TMEM271: variants seen among roughly 807,000 people sequenced by gnomAD.
The protein encoded by TMEM271 is transmembrane protein 271.
rs1577196718 is a variant in TMEM271, at chr4:575,667, G to A, written c.396C>T (p.Val132=). ...LLGVLVFMLG[V]LSAFAGAVID... Reference sequence around the variant, plus strand: ...TCACGGCGCCCGCGAATGCGCTGAGGACCCCGAGCATGAAGACCAGGACGC... The same window carrying A: ...TCACGGCGCCCGCGAATGCGCTGAGAACCCCGAGCATGAAGACCAGGACGC... Residue 132 remains valine, a synonymous_variant, in exon 1 of 1, where the codon GTC becomes GTT. Coordinates refer to ENST00000610212, the MANE Select transcript of TMEM271 (RefSeq NM_001362796.2). The A allele has an allele frequency of 3.9e-5, 14 of 360,372 alleles. No homozygotes were observed. The East Asian group carries it at 5.2e-4, about 13-fold the overall frequency. 22.3% of individuals were successfully genotyped at this position (360,372 alleles called of 1,614,324 possible).
rs1732415490 is a variant in TMEM271 at position 575,485 on chromosome 4, G to A, written c.578C>T (p.Ala193Val). Residue 193 changes from alanine to valine, a missense_variant, in exon 1 of 1, where the codon GCC becomes GTC. Coordinates refer to ENST00000610212, the MANE Select transcript of TMEM271 (RefSeq NM_001362796.2). ...GTCCAGGGTGCTGCGAGCGCGCGGG[G>A]CGCCGGGGGCCGAGCCCGGCGCCGA... ...PGSAPGSAPG[A>V]PRARSTLDSA... is the part of the protein sequence containing the mutation. 2.9e-5 allele frequency: 8 copies of A among 278,008 alleles called. No individual in the cohort carries two copies. The highest frequency in any genetic ancestry group is 4.7e-5 in the Non-Finnish European group (7 of 149,034). The allele number at this position is 278,008 out of a possible 1,614,324, so 17.2% of individuals were successfully genotyped here.
rs1490266615 is a variant in TMEM271, at chr4:574,739, G to A, written c.*166C>T. 20 of 391,604 alleles carry A rather than the reference G, an allele frequency of 5.1e-5. 1 individual carries two copies. In the East Asian group the frequency reaches 7.2e-4, roughly 14 times the overall value. The allele number at this position is 391,604 out of a possible 1,614,324, so 24.3% of individuals were successfully genotyped here. ...TCCTGTGGTCACGGAGCCCGCAGAG[G>A]GGGCCAGGCCGGAGGCTGCAAAGCC... is the stretch of plus-strand genomic sequence containing the variant. On this transcript the variant is annotated 3_prime_UTR_variant, in exon 1 of 1. Coordinates refer to ENST00000610212, the MANE Select transcript of TMEM271 (RefSeq NM_001362796.2).
At position 575,494 on chromosome 4, in the gene TMEM271, G is replaced by A. The variant is rs547828291; in HGVS notation, c.569C>T (p.Ala190Val). The change falls in exon 1 of 1, where the codon GCC (alanine) becomes GTC (valine). Residue 190 changes from alanine to valine, a missense_variant. Transcript: ENST00000610212. ...GSAPGSAPGS[A>V]PGAPRARSTL... ...GCTGCGAGCGCGCGGGGCGCCGGGG[G>A]CCGAGCCCGGCGCCGAGCCGGGGGC... The A allele has an allele frequency of 1.8e-3, 518 of 285,898 alleles. 2 individuals carry two copies. Among genetic ancestry groups the A allele is most frequent in the Non-Finnish European group, 2.8e-3 (443 of 155,524 alleles). 17.7% of individuals were successfully genotyped at this position (285,898 alleles called of 1,614,324 possible).
At position 575,349 on chromosome 4, in the gene TMEM271, G is replaced by A. The variant is rs988617967; in HGVS notation, c.714C>T (p.Leu238=). ...ECLLGLLSLL[L]VKNYKSSQAR... is the part of the protein sequence containing the mutation. ...CCTGCGACGACTTGTAGTTCTTGAC[G>A]AGCAGGAGGCTGAGCAGGCCCAGCA... Residue 238 remains leucine (L), a synonymous_variant, in exon 1 of 1, where the codon CTC becomes CTT. Coordinates refer to ENST00000610212, the MANE Select transcript of TMEM271 (RefSeq NM_001362796.2). 1.2e-5 allele frequency: 3 copies of A among 252,892 alleles called. No homozygotes were observed. The highest frequency in any genetic ancestry group is 4.6e-5 in the African/African-American group (2 of 43,454). The allele number at this position is 252,892 out of a possible 1,614,324, so 15.7% of individuals were successfully genotyped here. A position where few individuals can be genotyped will look rare whatever the true frequency, so the allele number is the denominator to read the frequency against.
rs919696099 is a variant in TMEM271, at chr4:575,505, C to CGCCGAGCCGGGG, written c.546_557dup (p.Ser189_Gly192dup). 2.4e-5 allele frequency: 7 copies of CGCCGAGCCGGGG among 293,880 alleles called. No homozygotes were observed. Among genetic ancestry groups the CGCCGAGCCGGGG allele is most frequent in the Non-Finnish European group, 4.4e-5 (7 of 160,626 alleles). 18.2% of individuals were successfully genotyped at this position (293,880 alleles called of 1,614,324 possible). A position where few individuals can be genotyped will look rare whatever the true frequency, so the allele number is the denominator to read the frequency against. On this transcript the variant is annotated inframe_insertion, in exon 1 of 1. Coordinates refer to ENST00000610212, the MANE Select transcript of TMEM271 (RefSeq NM_001362796.2). ...GCGGGGCGCCGGGGGCCGAGCCCGG[C>CGCCGAGCCGGGG]GCCGAGCCGGGGGCCGAGCCCGGGG...
In TMEM271 at chr4:575,499, G is replaced by A. The variant is rs1732416371; in HGVS notation, c.564C>T (p.Gly188=). 3.4e-6 allele frequency: 1 copy of A among 290,890 alleles called. No homozygotes were observed. Among genetic ancestry groups the A allele is most frequent in the Non-Finnish European group, 6.3e-6 (1 of 158,608 alleles). 18.0% of individuals were successfully genotyped at this position (290,890 alleles called of 1,614,324 possible). Residue 188 remains glycine, a synonymous_variant, in exon 1 of 1, where the codon GGC becomes GGT. Transcript: ENST00000610212. ...APGSAPGSAP[G]SAPGAPRARS... is the part of the protein sequence containing the mutation. ...GAGCGCGCGGGGCGCCGGGGGCCGAGCCCGGCGCCGAGCCGGGGGCCGAGC... is the reference window on the plus strand; with the variant it reads ...GAGCGCGCGGGGCGCCGGGGGCCGAACCCGGCGCCGAGCCGGGGGCCGAGC...
In TMEM271 at chr4:574,099, G is replaced by T. The variant is rs1194487315; in HGVS notation, c.*806C>A. The stretch of plus-strand genomic sequence containing the variant: ...AAAAAAAAAAAAAGAAAAGAAAAAA[G>T]AAATGTATGGGATGTGGCATCAGGG... On this transcript the variant is annotated 3_prime_UTR_variant, in exon 1 of 1. Transcript: ENST00000610212. The T allele has an allele frequency of 6.7e-6, 1 of 149,094 alleles. No homozygotes were observed. Among genetic ancestry groups the T allele is most frequent in the Non-Finnish European group, 1.5e-5 (1 of 67,336 alleles). The allele number at this position is 149,094 out of a possible 1,614,324, so 9.2% of individuals were successfully genotyped here.
rs1308260731 is a variant in TMEM271 at position 575,397 on chromosome 4, G to T, written c.666C>A (p.Thr222=). ...GCAGGCACTCAAGCGAGTTGAAGAC[G>T]GTGGAGAGCACCAGGCCGCGCTGGT... ...KDYQRGLVLS[T]VFNSLECLLG... The change falls in exon 1 of 1, where the codon ACC becomes ACA. Residue 222 remains threonine, a synonymous_variant. Coordinates refer to ENST00000610212, the MANE Select transcript of TMEM271 (RefSeq NM_001362796.2). 2 of 283,424 alleles carry T rather than the reference G, an allele frequency of 7.1e-6. No homozygotes were observed. The highest frequency in any genetic ancestry group is 1.3e-5 in the Non-Finnish European group (2 of 151,744). The allele number at this position is 283,424 out of a possible 1,614,324, so 17.6% of individuals were successfully genotyped here.
Position 575,879 on chromosome 4 carries a change from G to T in TMEM271, c.184C>A (p.Leu62Ile), listed in dbSNP as rs1364764321. 3 of 371,530 alleles carry T rather than the reference G, an allele frequency of 8.1e-6. No individual in the cohort carries two copies. The highest frequency in any genetic ancestry group is 6.4e-5 in the African/African-American group (3 of 47,240). 23.0% of individuals were successfully genotyped at this position (371,530 alleles called of 1,614,324 possible). ...FYSGLLLAAG[L>I]SLLGAALLCC... ...AGCAGGGCGGCGCCGAGCAGTGAGAGGCCGGCGGCCAGCAGCAGCCCGGAG... is the reference window on the plus strand; with the variant it reads ...AGCAGGGCGGCGCCGAGCAGTGAGATGCCGGCGGCCAGCAGCAGCCCGGAG... The change falls in exon 1 of 1, where the codon CTC becomes ATC. Residue 62 changes from leucine (L) to isoleucine (I), a missense_variant. Transcript: ENST00000610212.
In TMEM271 at chr4:573,910, A is replaced by G. The variant is rs1354267497; in HGVS notation, c.*995T>C. The G allele has an allele frequency of 6.6e-6, 1 of 152,242 alleles. No individual in the cohort carries two copies. The highest frequency in any genetic ancestry group is 1.5e-5 in the Non-Finnish European group (1 of 68,038). The allele number at this position is 152,242 out of a possible 1,614,324, so 9.4% of individuals were successfully genotyped here. On this transcript the variant is annotated 3_prime_UTR_variant, in exon 1 of 1. Coordinates refer to ENST00000610212, the MANE Select transcript of TMEM271 (RefSeq NM_001362796.2). ...GCGATTACGGGGTATATTTGAAATGAAATGCTATCATACTCAAAATTACCA... is the reference window on the plus strand; with the variant it reads ...GCGATTACGGGGTATATTTGAAATGGAATGCTATCATACTCAAAATTACCA...
chr4:575,625 C>T lies in TMEM271; in HGVS notation c.438G>A (p.Val146=), dbSNP rs1732420873. The change falls in exon 1 of 1, where the codon GTG becomes GTA. Residue 146 remains valine, a synonymous_variant. Transcript: ENST00000610212. ...FAGAVIDGDT[V]SLVERKYSHY... ...GCGAGTACTTGCGCTCCACCAGGGA[C>T]ACGGTGTCGCCGTCGATCACGGCGC... 5.5e-6 allele frequency: 2 copies of T among 360,886 alleles called. No homozygotes were observed. Among genetic ancestry groups the T allele is most frequent in the Non-Finnish European group, 5.0e-6 (1 of 201,584 alleles). 22.4% of individuals were successfully genotyped at this position (360,886 alleles called of 1,614,324 possible).
chr4:574,726 G>A lies in TMEM271; in HGVS notation c.*179C>T. ...ATCAGGGGCCCCCTCCTGTGGTCAC[G>A]GAGCCCGCAGAGGGGGCCAGGCCGG... On this transcript the variant is annotated 3_prime_UTR_variant, in exon 1 of 1. Transcript: ENST00000610212. 5.1e-6 allele frequency: 2 copies of A among 391,288 alleles called. No individual in the cohort carries two copies. Among genetic ancestry groups the A allele is most frequent in the Non-Finnish European group, 4.5e-6 (1 of 221,742 alleles). 24.2% of individuals were successfully genotyped at this position (391,288 alleles called of 1,614,324 possible).
chr4:574,425 AGT>A lies in TMEM271; in HGVS notation c.*478_*479del, dbSNP rs1403879582. The A allele has an allele frequency of 6.5e-6, 1 of 154,012 alleles. No individual in the cohort carries two copies. Among genetic ancestry groups the A allele is most frequent in the Non-Finnish European group, 1.4e-5 (1 of 69,330 alleles). 9.5% of individuals were successfully genotyped at this position (154,012 alleles called of 1,614,324 possible). The stretch of plus-strand genomic sequence containing the variant: ...CAAAAGCAGGCACATCCGTGTACAA[AGT>A]GTTGCTGTTGGGTGTTCTCACTTCT... On this transcript the variant is annotated 3_prime_UTR_variant, in exon 1 of 1. Coordinates refer to ENST00000610212, the MANE Select transcript of TMEM271 (RefSeq NM_001362796.2).
Position 575,396 on chromosome 4 carries a change from C to T in TMEM271, c.667G>A (p.Val223Ile). 7.1e-6 allele frequency: 2 copies of T among 280,754 alleles called. No homozygotes were observed. The highest frequency in any genetic ancestry group is 1.3e-5 in the Non-Finnish European group (2 of 150,020). 17.4% of individuals were successfully genotyped at this position (280,754 alleles called of 1,614,324 possible). Reference protein sequence around the residue: ...DYQRGLVLSTVFNSLECLLGL... With the variant: ...DYQRGLVLSTIFNSLECLLGL... ...AGCAGGCACTCAAGCGAGTTGAAGACGGTGGAGAGCACCAGGCCGCGCTGG... is the reference window on the plus strand; with the variant it reads ...AGCAGGCACTCAAGCGAGTTGAAGATGGTGGAGAGCACCAGGCCGCGCTGG... The change falls in exon 1 of 1, where the codon GTC becomes ATC. Residue 223 changes from valine to isoleucine, a missense_variant. Val to Ile is a conservative substitution (Grantham distance 29). Coordinates refer to ENST00000610212, the MANE Select transcript of TMEM271 (RefSeq NM_001362796.2).
In TMEM271 at chr4:575,179, G is replaced by C. The variant is rs1286132277; in HGVS notation, c.884C>G (p.Pro295Arg). 3 of 386,876 alleles carry C rather than the reference G, an allele frequency of 7.8e-6. No individual in the cohort carries two copies. The highest frequency in any genetic ancestry group is 1.4e-5 in the Non-Finnish European group (3 of 219,486). The allele number at this position is 386,876 out of a possible 1,614,324, so 24.0% of individuals were successfully genotyped here. Residue 295 changes from proline (P) to arginine (R), a missense_variant, in exon 1 of 1, where the codon CCG (proline) becomes CGG (arginine). Physicochemically the swap from Pro to Arg is moderately radical, Grantham distance 103. Transcript: ENST00000610212. ...CGGGGACAGGATGGAGGCCTCGCTCGGCCGCTGCTGCAGCCGCCGCCCCCG... is the reference window on the plus strand; with the variant it reads ...CGGGGACAGGATGGAGGCCTCGCTCCGCCGCTGCTGCAGCCGCCGCCCCCG... ...GRRGRRLQQRPSEASILSPEE... is the reference protein window; with the variant it reads ...GRRGRRLQQRRSEASILSPEE...
In TMEM271 at chr4:575,982, G is replaced by T; in HGVS notation, c.81C>A (p.Val27=). ...LLACALSAAA[V]GLKCFSLGSE... Reference sequence around the variant, plus strand: ...AGCCCAACGAGAAGCACTTGAGGCCGACGGCGGCGGCGCTGAGCGCGCAGG... The same window carrying T: ...AGCCCAACGAGAAGCACTTGAGGCCTACGGCGGCGGCGCTGAGCGCGCAGG... The change falls in exon 1 of 1, where the codon GTC becomes GTA. Residue 27 remains valine, a synonymous_variant. Transcript: ENST00000610212. The T allele has an allele frequency of 2.7e-6, 1 of 367,544 alleles. No homozygotes were observed. Among genetic ancestry groups the T allele is most frequent in the Non-Finnish European group, 4.9e-6 (1 of 206,094 alleles). The allele number at this position is 367,544 out of a possible 1,614,324, so 22.8% of individuals were successfully genotyped here.
Position 574,792 on chromosome 4 carries a change from C to T in TMEM271, c.*113G>A, listed in dbSNP as rs1732400885. 1 of 392,456 alleles carries T rather than the reference C, an allele frequency of 2.5e-6. No homozygotes were observed. Among genetic ancestry groups the T allele is most frequent in the Non-Finnish European group, 4.5e-6 (1 of 222,478 alleles). 24.3% of individuals were successfully genotyped at this position (392,456 alleles called of 1,614,324 possible). A position where few individuals can be genotyped will look rare whatever the true frequency, so the allele number is the denominator to read the frequency against. ...GTGGAAGAGGCGGCGCCCCTGAGGC[C>T]TGGCCCTGGACCCCGCCCCGCTGCC... On this transcript the variant is annotated 3_prime_UTR_variant, in exon 1 of 1. Coordinates refer to ENST00000610212, the MANE Select transcript of TMEM271 (RefSeq NM_001362796.2).
In TMEM271 at chr4:574,084, A is replaced by G. The variant is rs1015663012; in HGVS notation, c.*821T>C. 1.2e-4 allele frequency: 19 copies of G among 152,096 alleles called. No individual in the cohort carries two copies. Among genetic ancestry groups the G allele is most frequent in the Admixed American group, 1.2e-3 (19 of 15,272 alleles). 9.4% of individuals were successfully genotyped at this position (152,096 alleles called of 1,614,324 possible). On this transcript the variant is annotated 3_prime_UTR_variant, in exon 1 of 1. Transcript: ENST00000610212. Reference sequence around the variant, plus strand: ...ACACAACCAGTTTCCAAAAAAAAAAAAAGAAAAGAAAAAAGAAATGTATGG... The same window carrying G: ...ACACAACCAGTTTCCAAAAAAAAAAGAAGAAAAGAAAAAAGAAATGTATGG...
chr4:573,920 A>C lies in TMEM271; in HGVS notation c.*985T>G, dbSNP rs572268551. 6.6e-6 allele frequency: 1 copy of C among 152,360 alleles called. No individual in the cohort carries two copies. Among genetic ancestry groups the C allele is most frequent in the Non-Finnish European group, 1.5e-5 (1 of 68,034 alleles). 9.4% of individuals were successfully genotyped at this position (152,360 alleles called of 1,614,324 possible). On this transcript the variant is annotated 3_prime_UTR_variant, in exon 1 of 1. Transcript: ENST00000610212. ...GGTATATTTGAAATGAAATGCTATC[A>C]TACTCAAAATTACCAGATTAATGAA...
Sources: gnomAD v4.1 joint callset for allele counts on GRCh38, gnomAD v4.1.1 for gene constraint, MANE v1.5 for transcripts, NCBI Gene and HGNC (gene_info 2026-07-23, HGNC 2026-07-21) for gene names.